The following KMO variants were observed in gnomAD, a reference collection of about 807,000 sequenced individuals.
The protein encoded by KMO is kynurenine 3-monooxygenase, also known as kynurenine 3-hydroxylase.
In KMO, 24 loss-of-function variants were observed where a neutral mutation model predicts 57.8. The ratio of observed to expected loss-of-function variants is 0.42; its 90% confidence interval spans 0.30 to 0.58. The LOEUF (loss-of-function observed/expected upper bound fraction) is 0.58. Ranked by LOEUF, KMO falls within the 20% of genes least tolerant of loss-of-function variation. KMO has a pLI of 0.22. For synonymous variants in KMO, 210 were observed against 193.6 expected (o/e 1.08, Z -0.70); for missense variants, 483 against 588.2 (o/e 0.82, Z 1.85).
At chr1:241,537,748 C>T (rs1660799001) in intron 1 of KMO, among the ~76,000 whole-genome samples, 1 of 152,110 alleles carries the variant, frequency 6.6e-6, no homozygotes, top group Admixed American at 6.6e-5. Context: ...AGACGGCATG[C>T]AGGGGAACTC....
At chr1:241,586,806 C>T in intron 11 of KMO, 70 bp downstream of exon 11, 1 of 1,060,986 alleles carries the variant, frequency 9.4e-7, no homozygotes, top group East Asian at 2.4e-5. Flanking sequence ...TATTTCTGAT[C>T]CTCAATGATC....
At chr1:241,558,082 C>A (rs1661706309) in intron 5 of KMO, among the ~76,000 whole-genome samples, 1 of 152,206 alleles carries the variant, frequency 6.6e-6, no homozygotes, top group Non-Finnish European at 1.5e-5. Flanking sequence ...TTGGATCACA[C>A]TGTTAGTAAG....
intron 4 of KMO, among the ~76,000 whole-genome samples, chr1:241,551,366 T>C (rs6681337): frequency 0.11 from 16,231 of 152,234 alleles, 1,171 homozygotes; most frequent in African/African-American, 0.21. Context: ...ATGACTATCT[T>C]ATTTGTCGTC....
At chr1:241,575,215 T>C (rs748422468) in intron 10 of KMO, among the ~76,000 whole-genome samples, 3 of 152,070 alleles carry the variant, frequency 2.0e-5, no homozygotes, top group Non-Finnish European at 4.4e-5. Flanking sequence ...TTTCAAAGAA[T>C]CAACTTTTTG....
intron 1 of KMO, among the ~76,000 whole-genome samples, chr1:241,538,143 C>T (rs1349458106): frequency 2.6e-5 from 4 of 152,068 alleles, no homozygotes; most frequent in Non-Finnish European, 5.9e-5. Context: ...GTTCATGACT[C>T]TTCATAGGAC....
chr1:241,580,853 A>C (rs929344503), intron 10 of KMO, among the ~76,000 whole-genome samples: 4 of 151,860 alleles, frequency 2.6e-5, no homozygotes, highest in Admixed American at 2.0e-4. Context: ...CTGTAAATAC[A>C]TATTAGGTCC....
chr1:241,559,642 A>G (rs1472485515), intron 5 of KMO, among the ~76,000 whole-genome samples: 2 of 152,258 alleles, frequency 1.3e-5, no homozygotes, highest in Admixed American at 6.6e-5. Context: ...GAAACAAAAA[A>G]GAGTAAAATA....
At chr1:241,589,252 G>A (rs1262249491) in intron 12 of KMO, among the ~76,000 whole-genome samples, 1 of 144,656 alleles carries the variant, frequency 6.9e-6, no homozygotes, top group Non-Finnish European at 1.5e-5. Flanking sequence ...GGAAACTTAT[G>A]CACTAAAAAA....
chr1:241,577,767 T>C (rs2147975647), intron 10 of KMO, among the ~76,000 whole-genome samples: 1 of 152,324 alleles, frequency 6.6e-6, no homozygotes, highest in Admixed American at 6.5e-5. Flanking sequence ...AAACTATTTA[T>C]GGCTAAAGCA....
intron 14 of KMO, 162 bp downstream of exon 14, chr1:241,590,425 TA>T: frequency 1.7e-6 from 1 of 586,604 alleles, no homozygotes. Context: ...GAACAGTGCT[TA>T]CTGAAAAACA....
At chr1:241,554,454 A>G (rs1307482398) in intron 4 of KMO, among the ~76,000 whole-genome samples, 1 of 151,580 alleles carries the variant, frequency 6.6e-6, no homozygotes, top group African/African-American at 2.4e-5. Flanking sequence ...TTGTATTTTT[A>G]GTAGAGACGG....
chr1:241,549,260 A>G (rs1558414931), intron 2 of KMO, among the ~76,000 whole-genome samples: 2 of 139,024 alleles, frequency 1.4e-5, no homozygotes, highest in African/African-American at 2.7e-5. Context: ...AAAGAAAGAA[A>G]GAAAGAAAGG....
At chr1:241,548,236 G>C (rs1307009244) in intron 1 of KMO, among the ~76,000 whole-genome samples, 1 of 152,112 alleles carries the variant, frequency 6.6e-6, no homozygotes, top group East Asian at 1.9e-4. Context: ...TTTGAGACCA[G>C]ACTGGGCAAC....
intron 2 of KMO, among the ~76,000 whole-genome samples, chr1:241,549,300 A>G (rs767620348): frequency 6.6e-6 from 1 of 150,904 alleles, no homozygotes; most frequent in African/African-American, 2.5e-5. Context: ...GAGAAAGAGC[A>G]AGAAAGAAAG....
intron 10 of KMO, among the ~76,000 whole-genome samples, chr1:241,584,204 C>A (rs1662874871): frequency 6.6e-6 from 1 of 152,074 alleles, no homozygotes; most frequent in African/African-American, 2.4e-5. Flanking sequence ...TGTTCAATTC[C>A]CACCTATGAG....
rs905128230 is a variant in KMO at position 241,560,705 on chromosome 1, C to T, written c.402C>T (p.His134=). ...CCAATGTGAAAATGCACTTTAACCA[C>T]AGGCTGTTGAAATGTAATCCAGAGG... ...KYPNVKMHFN[H]RLLKCNPEEG... is the part of the protein sequence containing the mutation. The change falls in exon 6 of 15, where the codon CAC becomes CAT. Residue 134 remains histidine (H), a synonymous_variant. Coordinates refer to ENST00000366559, the MANE Select transcript of KMO (RefSeq NM_003679.5). The T allele has an allele frequency of 1.2e-6, 2 of 1,613,748 alleles. No homozygotes were observed. Among genetic ancestry groups the T allele is most frequent in the Non-Finnish European group, 1.7e-6 (2 of 1,179,668 alleles).
At chr1:241,567,777 A>T (rs1460199922) in intron 9 of KMO, among the ~76,000 whole-genome samples, 2 of 152,230 alleles carry the variant, frequency 1.3e-5, no homozygotes, top group African/African-American at 4.8e-5. Flanking sequence ...AGCTGTGAAG[A>T]TAAATCTCTG....
At chr1:241,590,160 G>C (rs771962826) in intron 13 of KMO, 44 bp from the exon 14 acceptor site, 3 of 1,608,630 alleles carry the variant, frequency 1.9e-6, no homozygotes, top group Non-Finnish European at 2.6e-6. Flanking sequence ...TTTCTGTTTA[G>C]CTGTTAAAGA....
chr1:241,594,588 A>C lies in KMO; in HGVS notation c.*2435A>C. On this transcript the variant is annotated 3_prime_UTR_variant, in exon 15 of 15. Transcript: ENST00000366559. ...GTCCCCATCTTTCTGTGACATCACA[A>C]TGGGTCTGATCTGCATTTCACTTCC... 6 of 1,614,136 alleles carry C rather than the reference A, an allele frequency of 3.7e-6. No individual in the cohort carries two copies. The highest frequency in any genetic ancestry group is 5.1e-6 in the Non-Finnish European group (6 of 1,179,996).
Sources: allele counts gnomAD v4.1 joint callset (sites outside exome capture counted in the v4.1 genomes callset), GRCh38; gene constraint gnomAD v4.1.1; transcripts MANE v1.5; gene names NCBI Gene and HGNC (gene_info 2026-07-23, HGNC 2026-07-21).